Variants in PDE12 observed in about 807,000 individuals in gnomAD.
The protein encoded by PDE12 is phosphodiesterase 12.
A neutral mutation model predicts 45.4 loss-of-function variants in PDE12; 26 were observed. That is an observed-to-expected ratio of 0.57 (90% CI 0.42 to 0.79). PDE12 has a LOEUF of 0.79. Ranked by LOEUF, PDE12 falls within the 30% of genes least tolerant of loss-of-function variation. The pLI, the probability that PDE12 is intolerant of heterozygous loss-of-function variation, is 0.00. For missense variants in PDE12, 668 were observed against 790.0 expected (o/e 0.85, Z 1.85); for synonymous variants, 283 against 323.9 (o/e 0.87, Z 1.36).
chr3:57,575,772 A>T, the PDE12 span: 15 of 1,285,076 alleles, frequency 1.2e-5, no homozygotes, highest in Non-Finnish European at 1.5e-5. Context: ...ATACATTATT[A>T]AACATTAACC....
chr3:57,556,870 T>C lies in PDE12; in HGVS notation c.491T>C (p.Phe164Ser). Residue 164 changes from phenylalanine to serine, a missense_variant, in exon 1 of 3, where the codon TTC becomes TCC. By Grantham distance (155) the Phe-to-Ser change is radical. This residue lies in a region of PDE12 where 580 missense variants were observed against 662.9 expected (regional missense o/e 0.87). Coordinates refer to ENST00000311180, the MANE Select transcript of PDE12 (RefSeq NM_177966.7). The surrounding 1 kb of genome is among the most constrained non-coding windows in gnomAD (Gnocchi z 5.0). ...KYKVERNPPA[F>S]TELQLPRYIM... ...AAGGTGGAGCGCAACCCGCCCGCCT[T>C]CACCGAACTGCAGTTGCCGCGCTAC... The C allele has an allele frequency of 6.2e-7, 1 of 1,614,112 alleles. No homozygotes were observed. The highest frequency in any genetic ancestry group is 8.5e-7 in the Non-Finnish European group (1 of 1,180,028).
chr3:57,605,089 A>G, the PDE12 span, among the ~76,000 whole-genome samples: 1 of 152,208 alleles, frequency 6.6e-6, no homozygotes, highest in East Asian at 1.9e-4. Flanking sequence ...TCAAAGGACA[A>G]TGATTCCTAA....
At chr3:57,572,006 T>TC in the PDE12 span, 1 of 482,586 alleles carries the variant, frequency 2.1e-6, no homozygotes, top group Non-Finnish European at 3.7e-6. Flanking sequence ...GATACTTTTT[T>TC]CCCAAGGAGA....
the PDE12 span, among the ~76,000 whole-genome samples, chr3:57,596,381 C>A: frequency 2.0e-5 from 3 of 152,072 alleles, no homozygotes; most frequent in South Asian, 6.2e-4. Context: ...GAGAATAAAC[C>A]AAACACATTT....
chr3:57,645,818 C>A, the PDE12 span: 2 of 1,226,394 alleles, frequency 1.6e-6, no homozygotes, highest in Non-Finnish European at 2.4e-6. Flanking sequence ...TAATCTATAA[C>A]TAGAAAACAT....
At chr3:57,631,335 T>A in the PDE12 span, among the ~76,000 whole-genome samples, 1 of 152,142 alleles carries the variant, frequency 6.6e-6, no homozygotes, top group Non-Finnish European at 1.5e-5. Flanking sequence ...CAGCTGGGAT[T>A]ACAGGCGTGC....
chr3:57,610,857 A>C, the PDE12 span, among the ~76,000 whole-genome samples: 23 of 152,154 alleles, frequency 1.5e-4, no homozygotes, highest in Non-Finnish European at 2.9e-4. Flanking sequence ...GCTACCAATG[A>C]CTTTCTTCAC....
chr3:57,594,161 T>C, the PDE12 span, among the ~76,000 whole-genome samples: 3 of 152,032 alleles, frequency 2.0e-5, no homozygotes, highest in Non-Finnish European at 2.9e-5. Context: ...GAGGCAGAGG[T>C]TGCAGTGAGC....
chr3:57,653,860 T>A, the PDE12 span, among the ~76,000 whole-genome samples: 1 of 149,858 alleles, frequency 6.7e-6, no homozygotes, highest in Non-Finnish European at 1.5e-5. Flanking sequence ...ACATTTATAT[T>A]CCCATTCTGG....
At chr3:57,638,104 A>G in the PDE12 span, among the ~76,000 whole-genome samples, 1 of 152,174 alleles carries the variant, frequency 6.6e-6, no homozygotes, top group Non-Finnish European at 1.5e-5. Flanking sequence ...ACCGTACTCC[A>G]GCCTGGAAGA....
In PDE12 at chr3:57,557,115, C is replaced by T. The variant is rs778799570; in HGVS notation, c.736C>T (p.Leu246Phe). The T allele has an allele frequency of 8.1e-6, 13 of 1,614,086 alleles. No individual in the cohort carries two copies. Among genetic ancestry groups the T allele is most frequent in the Non-Finnish European group, 3.4e-6 (4 of 1,180,020 alleles). Residue 246 changes from leucine to phenylalanine, a missense_variant, in exon 1 of 3, where the codon CTC becomes TTC. By Grantham distance (22) the Leu-to-Phe change is conservative. Around this residue, in one of 3 missense-constraint regions of PDE12, gnomAD observed 580 missense variants for 662.9 expected, o/e 0.87. Coordinates refer to ENST00000311180, the MANE Select transcript of PDE12 (RefSeq NM_177966.7). The part of the protein sequence containing the change: ...TPSNADIGLR[L>F]KLHCTPGDGQ... ...GTCCAATGCCGACATCGGGCTAAGG[C>T]TCAAGCTTCACTGCACCCCAGGCGA...
Position 57,562,031 on chromosome 3 carries a change from C to T in PDE12, c.*2027C>T, listed in dbSNP as rs2069733754. The T allele has an allele frequency of 2.0e-6, 2 of 980,274 alleles. No homozygotes were observed. Among genetic ancestry groups the T allele is most frequent in the Non-Finnish European group, 2.4e-6 (2 of 825,402 alleles). 60.7% of individuals were successfully genotyped at this position (980,274 alleles called of 1,614,324 possible). On this transcript the variant is annotated 3_prime_UTR_variant, in exon 3 of 3. Transcript: ENST00000311180. ...CAAATATGTAAATAATAGATTAAAA[C>T]CAAATCTTGATTCTCTTGTGAATTT...
chr3:57,567,025 T>C (rs2069791404), downstream of PDE12, among the ~76,000 whole-genome samples: 3 of 152,064 alleles, frequency 2.0e-5, no homozygotes, highest in South Asian at 6.2e-4. Flanking sequence ...AAATTGACAA[T>C]GTGGTCGGGC....
At chr3:57,641,808 TGA>T in the PDE12 span, 1 of 1,386,720 alleles carries the variant, frequency 7.2e-7, no homozygotes, top group South Asian at 1.2e-5. Context: ...GCTAAATCAG[TGA>T]AGAATAGTTT....
chr3:57,615,695 C>T, the PDE12 span, among the ~76,000 whole-genome samples: 3 of 151,720 alleles, frequency 2.0e-5, no homozygotes, highest in Non-Finnish European at 4.4e-5. Context: ...TCCTGGCAAC[C>T]CAGGAGGCTG....
chr3:57,630,397 T>A, the PDE12 span: 1 of 1,554,560 alleles, frequency 6.4e-7, no homozygotes, highest in Non-Finnish European at 8.7e-7. Flanking sequence ...TGTTAATCAT[T>A]ACACAAACAC....
chr3:57,654,745 G>T, the PDE12 span: 1 of 985,250 alleles, frequency 1.0e-6, no homozygotes, highest in Non-Finnish European at 1.2e-6. Context: ...TGAAAGGAGC[G>T]CCTACACTCA....
the PDE12 span, among the ~76,000 whole-genome samples, chr3:57,622,333 TC>T: frequency 1.3e-5 from 2 of 152,238 alleles, no homozygotes; most frequent in East Asian, 3.9e-4. Context: ...ATGCTCAGCA[TC>T]AAAGGTCATT....
At chr3:57,630,684 C>T in the PDE12 span, 29 of 1,596,452 alleles carry the variant, frequency 1.8e-5, no homozygotes, top group Non-Finnish European at 2.4e-5. Flanking sequence ...AAGCACGACA[C>T]ATGGGTGTAA....
Sources: gnomAD v4.1 joint callset for allele counts (sites outside exome capture counted in the v4.1 genomes callset) on GRCh38, gnomAD v4.1.1 for gene constraint, gnomAD v4.1.1 regional missense constraint, Gnocchi (gnomAD v3.1) non-coding constraint, MANE v1.5 for transcripts, NCBI Gene and HGNC (gene_info 2026-07-23, HGNC 2026-07-21) for gene names.